Variants in HSBP1 observed in about 807,000 individuals in gnomAD.
HSBP1 encodes the protein heat shock factor-binding protein 1.
In HSBP1, 5 loss-of-function variants were observed where a neutral mutation model predicts 9.6. The ratio of observed to expected loss-of-function variants is 0.52; its 90% CI spans 0.27 to 1.09. The LOEUF (loss-of-function observed/expected upper bound fraction) is 1.09. Ranked by LOEUF, HSBP1 falls within the 50% of genes least tolerant of loss-of-function variation. HSBP1 has a pLI of 0.11. For missense variants in HSBP1, 121 were observed against 96.3 expected, an observed-to-expected ratio of 1.26 and a Z score of -1.07; for synonymous variants, 42 against 33.3, an observed-to-expected ratio of 1.26 and a Z score of -0.90.
chr16:83,808,457 T>C, intron 1 of HSBP1: 2 of 576,644 alleles, frequency 3.5e-6, no homozygotes, highest in Non-Finnish European at 6.2e-6. Flanking sequence ...AGAAACAACC[T>C]AAAGACCCTG....
intron 1 of HSBP1, chr16:83,808,338 C>G: frequency 1.8e-6 from 1 of 553,848 alleles, no homozygotes; most frequent in Non-Finnish European, 3.2e-6. Context: ...CGACCCCTTC[C>G]AGTAGCCCCA....
At chr16:83,811,070 G>A (rs1172399476) in intron 3 of HSBP1, among the ~76,000 whole-genome samples, 2 of 152,158 alleles carry the variant, frequency 1.3e-5, no homozygotes, top group Non-Finnish European at 2.9e-5. Context: ...CTTATCCAGA[G>A]ATAATTTGGA....
At position 83,816,624 on chromosome 16, in the gene HSBP1, G is replaced by C. The variant is rs1212674227; in HGVS notation, c.*5206G>C. 6.6e-6 allele frequency: 1 copy of C among 151,998 alleles called. No individual in the cohort carries two copies. Among genetic ancestry groups the C allele is most frequent in the Non-Finnish European group, 1.5e-5 (1 of 67,996 alleles). 9.4% of individuals were successfully genotyped at this position (151,998 alleles called of 1,614,324 possible). On this transcript the variant is annotated 3_prime_UTR_variant, in exon 4 of 4. Transcript: ENST00000433866. Reference sequence around the variant, plus strand: ...TGAGCCATGTGGTTCTTGTTTTTTTGTTGTCACAACTCAGGTTGGGGGTGT... The same window carrying C: ...TGAGCCATGTGGTTCTTGTTTTTTTCTTGTCACAACTCAGGTTGGGGGTGT...
At chr16:83,808,306 T>A (rs1173677515) in intron 1 of HSBP1, 185 bp downstream of exon 1, 1 of 578,402 alleles carries the variant, frequency 1.7e-6, no homozygotes, top group African/African-American at 2.0e-5. Flanking sequence ...CGGGCCAGTC[T>A]CCCCGCGGGC....
Position 83,812,263 on chromosome 16 carries a change from G to C in HSBP1, c.*845G>C, listed in dbSNP as rs940575348. On this transcript the variant is annotated 3_prime_UTR_variant, in exon 4 of 4. Transcript: ENST00000433866. The stretch of plus-strand genomic sequence containing the variant: ...TGAAAAGAAAGAGAGAAGGAAAAGA[G>C]ACCATATTAAGTCCATGCCAGTTGC... 6 of 152,620 alleles carry C rather than the reference G, an allele frequency of 3.9e-5. No individual in the cohort carries two copies. Among genetic ancestry groups the C allele is most frequent in the African/African-American group, 1.4e-4 (6 of 41,460 alleles). The allele number at this position is 152,620 out of a possible 1,614,324, so 9.5% of individuals were successfully genotyped here.
In HSBP1 at chr16:83,814,499, C is replaced by G. The variant is rs565398655; in HGVS notation, c.*3081C>G. 1.3e-5 allele frequency: 2 copies of G among 152,482 alleles called. No individual in the cohort carries two copies. Among genetic ancestry groups the G allele is most frequent in the African/African-American group, 4.8e-5 (2 of 41,436 alleles). 9.4% of individuals were successfully genotyped at this position (152,482 alleles called of 1,614,324 possible). The stretch of plus-strand genomic sequence containing the variant: ...ACACCTGCACCGCTCACGAGCACAG[C>G]TGACCGTCTCACAGCTGCACACCTG... On this transcript the variant is annotated 3_prime_UTR_variant, in exon 4 of 4. Transcript: ENST00000433866.
At position 83,808,074 on chromosome 16, in the gene HSBP1, G is replaced by T; in HGVS notation, c.-3G>T. 6.5e-7 allele frequency: 1 copy of T among 1,544,750 alleles called. No homozygotes were observed. On this transcript the variant is annotated 5_prime_UTR_variant, in exon 1 of 4. Transcript: ENST00000433866. Reference sequence around the variant, plus strand: ...CATCACCGCCAAGCTGGGCATCGGGGAGATGGCCGAGACTGACCCCAAGAC... The same window carrying T: ...CATCACCGCCAAGCTGGGCATCGGGTAGATGGCCGAGACTGACCCCAAGAC...
intron 3 of HSBP1, among the ~76,000 whole-genome samples, chr16:83,810,670 G>A (rs551507834): frequency 9.2e-4 from 140 of 151,638 alleles, no homozygotes; most frequent in African/African-American, 3.3e-3. Flanking sequence ...AACCCTGTCT[G>A]TACAAAAATT....
rs1444469787 is a variant in HSBP1, at chr16:83,815,842, T to G, written c.*4424T>G. On this transcript the variant is annotated 3_prime_UTR_variant, in exon 4 of 4. Transcript: ENST00000433866. Reference sequence around the variant, plus strand: ...CAATAATGATCTAATAATGGTCAAATTCTGTGTCTCTACCGTAGAAAACAG... The same window carrying G: ...CAATAATGATCTAATAATGGTCAAAGTCTGTGTCTCTACCGTAGAAAACAG... 2 of 152,200 alleles carry G rather than the reference T, an allele frequency of 1.3e-5. No homozygotes were observed. Among genetic ancestry groups the G allele is most frequent in the African/African-American group, 2.4e-5 (1 of 41,458 alleles). 9.4% of individuals were successfully genotyped at this position (152,200 alleles called of 1,614,324 possible). A position where few individuals can be genotyped will look rare whatever the true frequency, so the allele number is the denominator to read the frequency against.
At chr16:83,810,231 C>T (rs4782845) in intron 3 of HSBP1, among the ~76,000 whole-genome samples, 90,343 of 151,610 alleles carry the variant, frequency 0.6, 27,154 homozygotes, top group Non-Finnish European at 0.64. Flanking sequence ...AAGCTTTTAC[C>T]CTGGAGTTCA....
At position 83,808,731 on chromosome 16, in the gene HSBP1, C is replaced by G. The variant is rs373718941; in HGVS notation, c.97C>G (p.Gln33Glu). Residue 33 changes from glutamine to glutamate, a missense_variant, in exon 2 of 4, where the codon CAG becomes GAG. Gln to Glu is a conservative substitution (Grantham distance 29). Transcript: ENST00000433866. ...AGATAAATTTCAGACCATGTCTGAC[C>G]AGATCATTGGGAGAAATATCCTTTT... The part of the protein sequence containing the change: ...MQDKFQTMSD[Q>E]IIGRIDDMSS... The G allele has an allele frequency of 6.2e-7, 1 of 1,611,588 alleles. No individual in the cohort carries two copies. Among genetic ancestry groups the G allele is most frequent in the East Asian group, 2.2e-5 (1 of 44,814 alleles).
chr16:83,810,303 C>G (rs1904570971), intron 3 of HSBP1, among the ~76,000 whole-genome samples: 1 of 152,102 alleles, frequency 6.6e-6, no homozygotes. Context: ...AAAGTACCTA[C>G]ACAGCAAGAT....
Position 83,808,722 on chromosome 16 carries a change from A to G in HSBP1, c.88A>G (p.Met30Val). The G allele has an allele frequency of 1.1e-5, 17 of 1,612,246 alleles. No homozygotes were observed. The highest frequency in any genetic ancestry group is 1.4e-5 in the Non-Finnish European group (17 of 1,178,528). ...LQQMQDKFQT[M>V]SDQIIGRIDD... ...GCAGATGCAAGATAAATTTCAGACC[A>G]TGTCTGACCAGATCATTGGGAGAAA... Residue 30 changes from methionine (M) to valine (V), a missense_variant, in exon 2 of 4, where the codon ATG becomes GTG. Physicochemically the swap from Met to Val is conservative, Grantham distance 21. Coordinates refer to ENST00000433866, the MANE Select transcript of HSBP1 (RefSeq NM_001537.4).
rs1187312076 is a variant in HSBP1, at chr16:83,817,343, C to G, written c.*5925C>G. ...CATGCCCCAACAATTTGTGTCCCAA[C>G]TGTTTGAATCAAAGGATTTCTGATT... On this transcript the variant is annotated 3_prime_UTR_variant, in exon 4 of 4. Transcript: ENST00000433866. 1 of 152,240 alleles carries G rather than the reference C, an allele frequency of 6.6e-6. No homozygotes were observed. The highest frequency in any genetic ancestry group is 2.4e-5 in the African/African-American group (1 of 41,464). The allele number at this position is 152,240 out of a possible 1,614,324, so 9.4% of individuals were successfully genotyped here.
At chr16:83,809,173 C>A in intron 2 of HSBP1, 132 bp from the exon 3 acceptor site, 1 of 638,306 alleles carries the variant, frequency 1.6e-6, no homozygotes, top group Non-Finnish European at 2.8e-6. Context: ...TACCCACCAG[C>A]GTGTAACAGT....
intron 3 of HSBP1, 90 bp from the exon 4 acceptor site, chr16:83,811,331 A>C (rs1904596169): frequency 1.3e-5 from 2 of 152,234 alleles, no homozygotes; most frequent in African/African-American, 4.8e-5. Flanking sequence ...AGGAGAGTGG[A>C]AAGGGATTTG....
intron 1 of HSBP1, 92 bp downstream of exon 1, chr16:83,808,213 C>T (rs1279145619): frequency 5.4e-6 from 6 of 1,106,204 alleles, no homozygotes; most frequent in African/African-American, 3.4e-5. Context: ...ACCGCGGCCG[C>T]GCGTGGCGTC....
chr16:83,808,360 C>G, intron 1 of HSBP1: 1 of 550,718 alleles, frequency 1.8e-6, no homozygotes, highest in Non-Finnish European at 3.2e-6. Context: ...TCATCTGTCG[C>G]GAACGCCCTC....
At chr16:83,808,374 G>C in intron 1 of HSBP1, 3 of 552,160 alleles carry the variant, frequency 5.4e-6, no homozygotes, top group Non-Finnish European at 9.5e-6. Context: ...CGCCCTCCGG[G>C]TCCCTCCCGC....
Sources: allele counts gnomAD v4.1 joint callset (sites outside exome capture counted in the v4.1 genomes callset), GRCh38; gene constraint gnomAD v4.1.1; transcripts MANE v1.5; gene names NCBI Gene and HGNC (gene_info 2026-07-23, HGNC 2026-07-21).